GADL1: variants seen among roughly 807,000 people sequenced by gnomAD.
GADL1 encodes the protein acidic amino acid decarboxylase GADL1.
GADL1 carries 71 observed loss-of-function variants against 69.5 expected under a neutral mutation model. The ratio of observed to expected loss-of-function variants is 1.02; its 90% CI spans 0.84 to 1.25. GADL1 has a LOEUF of 1.25. GADL1 is among the 50% of genes most tolerant of loss of function. The probability of loss-of-function intolerance (pLI) is 0.00; values close to 1 mark genes in which losing one functional copy is unlikely to be tolerated. For synonymous variants in GADL1, 254 were observed against 214.4 expected (o/e 1.18, Z -1.62); for missense variants, 737 against 631.8 (o/e 1.17, Z -1.79).
intron 12 of GADL1, chr3:30,800,235 A>C (rs1697132381): frequency 6.5e-6 from 1 of 153,310 alleles, no homozygotes; most frequent in African/African-American, 2.4e-5. Context: ...GGGAGGCCTC[A>C]ATTCATGGCG....
intron 11 of GADL1, among the ~76,000 whole-genome samples, chr3:30,804,106 A>G (rs531282736): frequency 6.6e-6 from 1 of 152,350 alleles, no homozygotes; most frequent in East Asian, 1.9e-4. Flanking sequence ...AGGTTTAAGC[A>G]AAAGGAGGGA....
intron 14 of GADL1, among the ~76,000 whole-genome samples, chr3:30,771,387 T>G (rs1453711922): frequency 6.6e-6 from 1 of 152,154 alleles, no homozygotes; most frequent in Non-Finnish European, 1.5e-5. Context: ...TTATCTTAGG[T>G]TTTAATGGTT....
At chr3:30,796,839 T>C (rs1448280141) in intron 12 of GADL1, among the ~76,000 whole-genome samples, 1 of 152,188 alleles carries the variant, frequency 6.6e-6, no homozygotes, top group East Asian at 1.9e-4. Flanking sequence ...AGTCCTCATA[T>C]AGTATTCACA....
intron 7 of GADL1, 32 bp downstream of exon 7, chr3:30,844,355 C>A (rs765293241): frequency 7.6e-6 from 12 of 1,581,214 alleles, no homozygotes; most frequent in African/African-American, 1.3e-5. Context: ...TTTCCCTCCA[C>A]CCACCAGGCT....
At chr3:30,748,373 C>G (rs1695743305) in intron 14 of GADL1, among the ~76,000 whole-genome samples, 1 of 152,096 alleles carries the variant, frequency 6.6e-6, no homozygotes, top group South Asian at 2.1e-4. Context: ...CAGCACTGAC[C>G]AGATTCAGCT....
chr3:30,842,473 G>A (rs1371251072), intron 8 of GADL1, among the ~76,000 whole-genome samples: 1 of 151,852 alleles, frequency 6.6e-6, no homozygotes, highest in East Asian at 1.9e-4. Flanking sequence ...GTTTTTGTGT[G>A]TTTTGGTTTT....
At chr3:30,830,559 A>G (rs965684392) in intron 11 of GADL1, among the ~76,000 whole-genome samples, 1 of 151,736 alleles carries the variant, frequency 6.6e-6, no homozygotes, top group African/African-American at 2.4e-5. Context: ...CTTCATGGGG[A>G]ATCCTTCCTC....
intron 13 of GADL1, among the ~76,000 whole-genome samples, chr3:30,783,529 ACT>A (rs1453012573): frequency 3.9e-5 from 6 of 152,062 alleles, no homozygotes; most frequent in African/African-American, 9.7e-5. Flanking sequence ...AGTGACACAT[ACT>A]CTCTCAAATA....
At chr3:30,820,912 G>A (rs112584928) in intron 11 of GADL1, among the ~76,000 whole-genome samples, 9,774 of 151,650 alleles carry the variant, frequency 0.064, 652 homozygotes, top group Admixed American at 0.15. Flanking sequence ...GCAAAGACTT[G>A]GAACCAACCC....
chr3:30,814,909 A>G (rs1219923282), intron 11 of GADL1, among the ~76,000 whole-genome samples: 1 of 151,792 alleles, frequency 6.6e-6, no homozygotes, highest in Non-Finnish European at 1.5e-5. Context: ...GATTTCAATG[A>G]GCCGAGATTG....
At position 30,839,054 on chromosome 3, in the gene GADL1, G is replaced by T. The variant is rs1180674710; in HGVS notation, c.846C>A (p.Asp282Glu). The change falls in exon 9 of 15, where the codon GAC (aspartate) becomes GAA (glutamate). Residue 282 changes from aspartate to glutamate, a missense_variant. Asp to Glu is a conservative substitution (Grantham distance 45, BLOSUM62 2). Transcript: ENST00000282538. ...TSGTTVLGAF[D>E]PLDEIADICE... is the part of the protein sequence containing the mutation. ...AGATGTCTGCTATTTCATCCAGAGG[G>T]TCAAAAGCTCCCAACACAGTTGTAC... The T allele has an allele frequency of 1.9e-6, 3 of 1,607,424 alleles. No individual in the cohort carries two copies. Among genetic ancestry groups the T allele is most frequent in the South Asian group, 2.2e-5 (2 of 89,450 alleles).
chr3:30,862,986 A>T (rs1347571684), intron 1 of GADL1, among the ~76,000 whole-genome samples: 1 of 151,826 alleles, frequency 6.6e-6, no homozygotes, highest in African/African-American at 2.4e-5. Flanking sequence ...TTTCAAACAC[A>T]TGTACAAAGA....
chr3:30,881,446 C>A (rs1698639568), intron 1 of GADL1, among the ~76,000 whole-genome samples: 1 of 151,810 alleles, frequency 6.6e-6, no homozygotes, highest in Non-Finnish European at 1.5e-5. Context: ...AATGGCTAAG[C>A]TTGTTAAATG....
chr3:30,772,104 T>C (rs1364213284), intron 14 of GADL1, among the ~76,000 whole-genome samples: 5 of 152,168 alleles, frequency 3.3e-5, no homozygotes, highest in East Asian at 3.9e-4. Context: ...GGGAGAATAC[T>C]AAACTCTTTC....
At chr3:30,768,160 AG>A in intron 14 of GADL1, among the ~76,000 whole-genome samples, 1 of 152,158 alleles carries the variant, frequency 6.6e-6, no homozygotes, top group Admixed American at 6.6e-5. Flanking sequence ...AAAGCTAATC[AG>A]GCTCAAAGCT....
At chr3:30,794,417 A>G (rs1192238453) in intron 12 of GADL1, among the ~76,000 whole-genome samples, 4 of 152,132 alleles carry the variant, frequency 2.6e-5, no homozygotes, top group African/African-American at 9.7e-5. Flanking sequence ...GCAACAGGTA[A>G]CCTTGTATAG....
Position 30,766,715 on chromosome 3 carries a change from A to G in GADL1, c.1392+11464T>C, listed in dbSNP as rs991171649. On this transcript the variant is annotated intron_variant, in intron 14 of 14. Coordinates refer to ENST00000282538, the MANE Select transcript of GADL1 (RefSeq NM_207359.3). The stretch of plus-strand genomic sequence containing the variant: ...ATAGGCTGGCTTTCCAAGTAAAGAC[A>G]GGAGAGAGCAGGTGGCTCAGTCAGC... 2.0e-5 allele frequency among the ~76,000 whole-genome samples: 3 copies of G among 152,294 alleles called. No homozygotes were observed. In the South Asian group the frequency reaches 6.2e-4, roughly 32 times the overall value.
intron 12 of GADL1, among the ~76,000 whole-genome samples, chr3:30,795,392 T>C (rs1697011616): frequency 6.6e-6 from 1 of 152,196 alleles, no homozygotes; most frequent in Non-Finnish European, 1.5e-5. Context: ...AGCTACTTTG[T>C]AGTGGTTGAG....
At chr3:30,797,794 C>CA (rs1217499475) in intron 12 of GADL1, 6 of 151,664 alleles carry the variant, frequency 4.0e-5, no homozygotes, top group Non-Finnish European at 8.8e-5. Context: ...TTGAGAAAAG[C>CA]AAAAAATCCA....
Sources: gnomAD v4.1 joint callset for allele counts (sites outside exome capture counted in the v4.1 genomes callset) on GRCh38, gnomAD v4.1.1 for gene constraint, MANE v1.5 for transcripts, NCBI Gene and HGNC (gene_info 2026-07-23, HGNC 2026-07-21) for gene names.